The following ATP6V0A2 variants were observed in gnomAD, a reference collection of about 807,000 sequenced individuals.
ATP6V0A2 encodes V-type proton ATPase 116 kDa subunit a 2.
A neutral mutation model predicts 104.4 loss-of-function variants in ATP6V0A2; 58 were observed. The ratio of observed to expected loss-of-function variants is 0.56; its 90% CI spans 0.45 to 0.69. The LOEUF (loss-of-function observed/expected upper bound fraction) is 0.69. Ranked by LOEUF, ATP6V0A2 falls within the 30% of genes least tolerant of loss-of-function variation. ATP6V0A2 has a pLI of 0.00. For synonymous variants in ATP6V0A2, 376 were observed against 397.9 expected (o/e 0.95, Z 0.65); for missense variants, 938 against 1,062.9 (o/e 0.88, Z 1.63).
intron 1 of ATP6V0A2, among the ~76,000 whole-genome samples, chr12:123,713,475 C>T (rs1195421767): frequency 6.6e-6 from 1 of 152,052 alleles, no homozygotes; most frequent in Non-Finnish European, 1.5e-5. Context: ...AGAGTAAGTA[C>T]CTTAACGCAG....
chr12:123,752,294 A>C lies in ATP6V0A2; in HGVS notation c.2067A>C (p.Thr689=), dbSNP rs754861703. 2 of 1,614,186 alleles carry C rather than the reference A, an allele frequency of 1.2e-6. No homozygotes were observed. The highest frequency in any genetic ancestry group is 2.2e-5 in the South Asian group (2 of 91,090). Residue 689 remains threonine (T), a synonymous_variant, in exon 17 of 20, where the codon ACA becomes ACC. Coordinates refer to ENST00000330342, the MANE Select transcript of ATP6V0A2 (RefSeq NM_012463.4). ...SCFGVNRSGY[T]LIRKDSEEEV... ...CTTTTGGTTGTTAGAGTGGCTACACACTTATAAGGAAAGATAGTGAGGAAG... is the reference window on the plus strand; with the variant it reads ...CTTTTGGTTGTTAGAGTGGCTACACCCTTATAAGGAAAGATAGTGAGGAAG...
chr12:123,735,348 C>T (rs946457449), intron 7 of ATP6V0A2, among the ~76,000 whole-genome samples, 183 bp from the exon 8 acceptor site: 2 of 152,190 alleles, frequency 1.3e-5, no homozygotes, highest in African/African-American at 2.4e-5. Context: ...ATTTATCTCA[C>T]TCAGCAGGTG....
Position 123,759,321 on chromosome 12 carries a change from C to G in ATP6V0A2, c.*1289C>G, listed in dbSNP as rs1464002154. ...AGTCTAATGATACTTTTTTTACTTT[C>G]AGACTGTTTCTAGCTAAAGTTCTGA... On this transcript the variant is annotated 3_prime_UTR_variant, in exon 20 of 20. Transcript: ENST00000330342. The G allele has an allele frequency of 1.3e-5, 2 of 152,136 alleles. No individual in the cohort carries two copies. Among genetic ancestry groups the G allele is most frequent in the African/African-American group, 4.8e-5 (2 of 41,426 alleles). The allele number at this position is 152,136 out of a possible 1,614,324, so 9.4% of individuals were successfully genotyped here.
Position 123,754,424 on chromosome 12 carries a change from A to G in ATP6V0A2, c.2180A>G (p.Asn727Ser). The G allele has an allele frequency of 6.2e-7, 1 of 1,608,982 alleles. No individual in the cohort carries two copies. The highest frequency in any genetic ancestry group is 2.2e-5 in the East Asian group (1 of 44,860). The change falls in exon 18 of 20, where the codon AAT becomes AGT. Residue 727 changes from asparagine (N) to serine (S), a missense_variant. By Grantham distance (46) the Asn-to-Ser change is conservative. Transcript: ENST00000330342. ...GCREMACEEF[N>S]FGEILMTQVI... Reference sequence around the variant, plus strand: ...ATGTTGTGTGATCTCTCTCAGTTTAATTTTGGAGAAATATTAATGACCCAA... The same window carrying G: ...ATGTTGTGTGATCTCTCTCAGTTTAGTTTTGGAGAAATATTAATGACCCAA...
At chr12:123,715,868 A>C (rs996352649) in intron 1 of ATP6V0A2, among the ~76,000 whole-genome samples, 1 of 152,158 alleles carries the variant, frequency 6.6e-6, no homozygotes, top group African/African-American at 2.4e-5. Context: ...TAACTTCCTA[A>C]TTTTATTAAA....
chr12:123,712,385 A>G lies in ATP6V0A2; in HGVS notation c.-181A>G. The G allele has an allele frequency of 2.8e-6, 1 of 361,838 alleles. No individual in the cohort carries two copies. The highest frequency in any genetic ancestry group is 4.9e-6 in the Non-Finnish European group (1 of 205,398). 22.4% of individuals were successfully genotyped at this position (361,838 alleles called of 1,614,324 possible). A position where few individuals can be genotyped will look rare whatever the true frequency, so the allele number is the denominator to read the frequency against. ...CGCGGACTGCTGTGGCGGCAGCTGG[A>G]GCGGCGGCCGCGGTGGCAGAACCGG... On this transcript the variant is annotated 5_prime_UTR_variant, in exon 1 of 20. Transcript: ENST00000330342.
At chr12:123,735,467 G>A (rs1566281928) in intron 7 of ATP6V0A2, 64 bp from the exon 8 acceptor site, 1 of 1,451,206 alleles carries the variant, frequency 6.9e-7, no homozygotes. Context: ...ATGTGCCGGG[G>A]AGGTGAACGT....
chr12:123,743,655 A>G (rs899233530), intron 9 of ATP6V0A2, 130 bp from the exon 10 acceptor site: 10 of 982,934 alleles, frequency 1.0e-5, no homozygotes, highest in Non-Finnish European at 1.3e-5. Context: ...CTCCGTCTCA[A>G]AAAAAAACAA....
chr12:123,716,129 C>T (rs1287422248), intron 1 of ATP6V0A2, among the ~76,000 whole-genome samples: 2 of 151,714 alleles, frequency 1.3e-5, no homozygotes, highest in Admixed American at 6.6e-5. Context: ...TGCAGTGGCG[C>T]GATCTCAGCT....
At chr12:123,712,794 C>A (rs891238844) in intron 1 of ATP6V0A2, 112 bp downstream of exon 1, 3 of 932,470 alleles carry the variant, frequency 3.2e-6, no homozygotes, top group Admixed American at 2.0e-5. Context: ...GCCCCGTCCC[C>A]ATTGTCCAGA....
intron 8 of ATP6V0A2, 105 bp downstream of exon 8, chr12:123,735,729 T>G (rs1956546887): frequency 1.0e-6 from 1 of 989,670 alleles, no homozygotes; most frequent in South Asian, 1.4e-5. Context: ...CGTAGACAAA[T>G]CAAGATGTTC....
chr12:123,712,514 G>C lies in ATP6V0A2; in HGVS notation c.-52G>C. The C allele has an allele frequency of 1.4e-6, 2 of 1,405,666 alleles. No individual in the cohort carries two copies. The highest frequency in any genetic ancestry group is 1.9e-6 in the Non-Finnish European group (2 of 1,037,596). 87.1% of individuals were successfully genotyped at this position (1,405,666 alleles called of 1,614,324 possible). Reference sequence around the variant, plus strand: ...CCGGCTGAGTGTGCGGGCCCGCGCGGCTCGGAGCCGCCGCCGCCCATCGAG... The same window carrying C: ...CCGGCTGAGTGTGCGGGCCCGCGCGCCTCGGAGCCGCCGCCGCCCATCGAG... On this transcript the variant is annotated 5_prime_UTR_variant, in exon 1 of 20. Coordinates refer to ENST00000330342, the MANE Select transcript of ATP6V0A2 (RefSeq NM_012463.4).
At position 123,727,844 on chromosome 12, in the gene ATP6V0A2, G is replaced by C; in HGVS notation, c.583G>C (p.Val195Leu). ...VEAFEKMLWR[V>L]CKGYTIVSYA... ...AGCATTTGAAAAAATGTTGTGGAGA[G>C]TCTGCAAAGGGTACACCATCGTGTC... The change falls in exon 6 of 20, where the codon GTC becomes CTC. Residue 195 changes from valine (V) to leucine (L), a missense_variant. Val to Leu is a conservative substitution (Grantham distance 32). Transcript: ENST00000330342. The C allele has an allele frequency of 6.2e-7, 1 of 1,614,190 alleles. No individual in the cohort carries two copies. The highest frequency in any genetic ancestry group is 8.5e-7 in the Non-Finnish European group (1 of 1,180,004).
At position 123,735,642 on chromosome 12, in the gene ATP6V0A2, G is replaced by T. The variant is rs1956545945; in HGVS notation, c.825+18G>T. ...TCTACACTGTGAGTAAGCTGGAAGT[G>T]GATTGCCTCTTTATCTGAGGGCTGC... On this transcript the variant is annotated intron_variant, in intron 8 of 19. Transcript: ENST00000330342. 6.3e-7 allele frequency: 1 copy of T among 1,594,636 alleles called. No homozygotes were observed. Among genetic ancestry groups the T allele is most frequent in the Non-Finnish European group, 8.6e-7 (1 of 1,162,542 alleles).
chr12:123,722,023 G>A (rs1313801998), intron 2 of ATP6V0A2, among the ~76,000 whole-genome samples: 2 of 152,144 alleles, frequency 1.3e-5, no homozygotes, highest in African/African-American at 2.4e-5. Flanking sequence ...TCTTTCACTA[G>A]AATATTAGAA....
rs761908912 is a variant in ATP6V0A2, at chr12:123,733,945, A to G, written c.668A>G (p.Tyr223Cys). The G allele has an allele frequency of 1.7e-5, 27 of 1,613,186 alleles. No homozygotes were observed. Among genetic ancestry groups the G allele is most frequent in the Non-Finnish European group, 2.2e-5 (26 of 1,179,142 alleles). The part of the protein sequence containing the change: ...DPETGEVIKW[Y>C]VFLISFWGEQ... ...TTGTAGGGGGAAGTCATAAAATGGT[A>G]TGTCTTTTTAATATCCTTTTGGGGA... Residue 223 changes from tyrosine (Y) to cysteine (C), a missense_variant, in exon 7 of 20, where the codon TAT becomes TGT. By Grantham distance (194) the Tyr-to-Cys change is radical. Coordinates refer to ENST00000330342, the MANE Select transcript of ATP6V0A2 (RefSeq NM_012463.4).
At position 123,756,970 on chromosome 12, in the gene ATP6V0A2, G is replaced by A. The variant is rs201598201; in HGVS notation, c.2449G>A (p.Ala817Thr). The change falls in exon 19 of 20, where the codon GCC (alanine) becomes ACC (threonine). Residue 817 changes from alanine (A) to threonine (T), a missense_variant. Transcript: ENST00000330342. ...IMEGLSAFLHAIRLHWVEFQN... is the reference protein window; with the variant it reads ...IMEGLSAFLHTIRLHWVEFQN... ...GGAAGGGCTTTCTGCGTTTCTTCACGCCATACGCCTCCACTGGTGAGTTTG... is the reference window on the plus strand; with the variant it reads ...GGAAGGGCTTTCTGCGTTTCTTCACACCATACGCCTCCACTGGTGAGTTTG... 3.4e-5 allele frequency: 55 copies of A among 1,613,994 alleles called. No individual in the cohort carries two copies. Among genetic ancestry groups the A allele is most frequent in the South Asian group, 2.0e-4 (18 of 91,082 alleles).
At chr12:123,733,529 A>G (rs1288796479) in intron 6 of ATP6V0A2, 1 of 252,146 alleles carries the variant, frequency 4.0e-6, no homozygotes, top group Admixed American at 5.0e-5. Flanking sequence ...ACTGCACCTC[A>G]GCCCTACACT....
At chr12:123,731,173 AAAAG>A (rs1279404823) in intron 6 of ATP6V0A2, 11 of 152,240 alleles carry the variant, frequency 7.2e-5, no homozygotes, top group Admixed American at 2.0e-4. Context: ...AACAAGAAGA[AAAAG>A]AAGTCCCTCG....
Sources: allele counts gnomAD v4.1 joint callset (sites outside exome capture counted in the v4.1 genomes callset), GRCh38; gene constraint gnomAD v4.1.1; transcripts MANE v1.5; gene names NCBI Gene and HGNC (gene_info 2026-07-23, HGNC 2026-07-21).